The following NBAS variants were observed in gnomAD, a reference collection of about 807,000 sequenced individuals.
The protein encoded by NBAS is NBAS subunit of NRZ tethering complex.
NBAS carries 219 observed loss-of-function variants against 302.5 expected under a neutral mutation model. That is an observed-to-expected ratio of 0.72 (90% confidence interval 0.65 to 0.81). NBAS has a LOEUF of 0.81. NBAS is among the 30% of genes least tolerant of loss of function. The pLI is 0.00. For synonymous variants in NBAS, 1,118 were observed against 1,021.6 expected, an observed-to-expected ratio of 1.09 and a Z score of -1.80; for missense variants, 2,932 against 2,841.6, an observed-to-expected ratio of 1.03 and a Z score of -0.72.
At chr2:15,248,312 A>C (rs2147977043) in intron 44 of NBAS, among the ~76,000 whole-genome samples, 1 of 152,360 alleles carries the variant, frequency 6.6e-6, no homozygotes, top group East Asian at 1.9e-4. Context: ...CAGTGTGTAG[A>C]GGGAAATTTA....
At position 15,179,030 on chromosome 2, in the gene NBAS, A is replaced by G. The variant is rs745460688; in HGVS notation, c.6798T>C (p.His2266=). The change falls in exon 51 of 52, where the codon CAT becomes CAC. Residue 2266 remains histidine (H), a synonymous_variant. Coordinates refer to ENST00000281513, the MANE Select transcript of NBAS (RefSeq NM_015909.4). ...TTTGCTCCAGTGCCATCTCGTGCAG[A>G]TGCTCATCTCGGCTCTCGAGGAGAA... ...LKLLLESRDE[H]LHEMALEQIT... is the part of the protein sequence containing the mutation. 1 of 1,613,998 alleles carries G rather than the reference A, an allele frequency of 6.2e-7. No homozygotes were observed. Among genetic ancestry groups the G allele is most frequent in the East Asian group, 2.2e-5 (1 of 44,872 alleles).
At chr2:14,921,789 A>G in the NBAS span, among the ~76,000 whole-genome samples, 3 of 152,162 alleles carry the variant, frequency 2.0e-5, no homozygotes, top group African/African-American at 4.8e-5. Flanking sequence ...GTTGGCTGAA[A>G]TCTAAGAAAT....
chr2:14,899,659 C>T, the NBAS span, among the ~76,000 whole-genome samples: 1 of 152,036 alleles, frequency 6.6e-6, no homozygotes, highest in Non-Finnish European at 1.5e-5. Context: ...ACCAATTTAA[C>T]TTGGAACTGG....
the NBAS span, among the ~76,000 whole-genome samples, chr2:14,848,181 T>A: frequency 1.3e-5 from 2 of 151,554 alleles, no homozygotes; most frequent in East Asian, 1.9e-4. Flanking sequence ...TTCATCTCAC[T>A]AGGGAGTTCC....
chr2:15,070,360 C>T, the NBAS span, among the ~76,000 whole-genome samples: 1 of 152,174 alleles, frequency 6.6e-6, no homozygotes, highest in African/African-American at 2.4e-5. Flanking sequence ...AACTCAAATA[C>T]ACCCACATGG....
At chr2:15,058,574 G>A in the NBAS span, among the ~76,000 whole-genome samples, 4 of 152,276 alleles carry the variant, frequency 2.6e-5, no homozygotes, top group African/African-American at 4.8e-5. Context: ...CAAGCCCAGC[G>A]TGACAATATA....
chr2:15,093,784 C>T, the NBAS span, among the ~76,000 whole-genome samples: 245 of 151,974 alleles, frequency 1.6e-3, 3 homozygotes, highest in African/African-American at 5.2e-3. Context: ...AGAGAAAATG[C>T]TCATAATATG....
At chr2:14,785,227 G>A in the NBAS span, among the ~76,000 whole-genome samples, 1,177 of 152,120 alleles carry the variant, frequency 7.7e-3, 20 homozygotes, top group African/African-American at 0.027. Context: ...GGGCTGAGAC[G>A]ATGGGTTTTT....
chr2:15,079,490 G>A, the NBAS span, among the ~76,000 whole-genome samples: 1 of 152,074 alleles, frequency 6.6e-6, no homozygotes, highest in African/African-American at 2.4e-5. Flanking sequence ...ATCTGCCAGG[G>A]CCACCTTTCC....
intron 25 of NBAS, among the ~76,000 whole-genome samples, chr2:15,412,425 C>A (rs1676726119): frequency 6.6e-6 from 1 of 152,204 alleles, no homozygotes; most frequent in East Asian, 1.9e-4. Flanking sequence ...AGGCCAACCA[C>A]AGCTGACGTT....
At chr2:15,050,371 C>G in the NBAS span, among the ~76,000 whole-genome samples, 74,878 of 151,592 alleles carry the variant, frequency 0.49, 20,767 homozygotes, top group African/African-American at 0.77. Context: ...TATCCAAAAC[C>G]CTTGTGGCTT....
At chr2:14,912,068 CTTT>C in the NBAS span, among the ~76,000 whole-genome samples, 3 of 152,152 alleles carry the variant, frequency 2.0e-5, no homozygotes, top group Admixed American at 6.5e-5. Context: ...GTCTTCAAAC[CTTT>C]ACAGCATGTT....
At position 15,351,985 on chromosome 2, in the gene NBAS, A is replaced by C. The variant is rs1424061741; in HGVS notation, c.4179+7T>G. The C allele has an allele frequency of 6.2e-7, 1 of 1,600,002 alleles. No individual in the cohort carries two copies. The highest frequency in any genetic ancestry group is 8.6e-7 in the Non-Finnish European group (1 of 1,167,520). ...CTTTCAAACTCCGCTCCCTCATTTTAACTTACCTCTTGTACTGCTTTACTA... is the reference window on the plus strand; with the variant it reads ...CTTTCAAACTCCGCTCCCTCATTTTCACTTACCTCTTGTACTGCTTTACTA... On this transcript the variant is annotated splice_region_variant and intron_variant, in intron 35 of 51. Coordinates refer to ENST00000281513, the MANE Select transcript of NBAS (RefSeq NM_015909.4).
intron 51 of NBAS, among the ~76,000 whole-genome samples, chr2:15,168,437 G>A (rs1664137180): frequency 6.6e-6 from 1 of 152,164 alleles, no homozygotes; most frequent in Non-Finnish European, 1.5e-5. Flanking sequence ...CGGATAGCGT[G>A]AATCTTTCCT....
Position 15,467,731 on chromosome 2 carries a change from C to T in NBAS, c.1951G>A (p.Ala651Thr). ...EELSPPDEEPAKNKKEKELKK... is the reference protein window; with the variant it reads ...EELSPPDEEPTKNKKEKELKK... ...AGCTCCTTTTCCTTTTTATTCTTGG[C>T]AGGCTCTTCATCAGGTGGTGAAAGC... The change falls in exon 18 of 52, where the codon GCC (alanine) becomes ACC (threonine). Residue 651 changes from alanine (A) to threonine (T), a missense_variant. Coordinates refer to ENST00000281513, the MANE Select transcript of NBAS (RefSeq NM_015909.4). 1 of 1,608,274 alleles carries T rather than the reference C, an allele frequency of 6.2e-7. No individual in the cohort carries two copies.
At chr2:15,244,909 A>G (rs373052518) in intron 44 of NBAS, among the ~76,000 whole-genome samples, 2 of 152,080 alleles carry the variant, frequency 1.3e-5, no homozygotes, top group African/African-American at 4.8e-5. Context: ...AGGTGGGCCC[A>G]TGAAACGTGA....
chr2:15,383,623 T>C (rs1483245355), intron 28 of NBAS, among the ~76,000 whole-genome samples: 1 of 152,192 alleles, frequency 6.6e-6, no homozygotes, highest in African/African-American at 2.4e-5. Flanking sequence ...GTAAAGAAGC[T>C]GTGAGTTTCT....
the NBAS span, among the ~76,000 whole-genome samples, chr2:14,801,375 T>C: frequency 6.6e-6 from 1 of 152,142 alleles, no homozygotes; most frequent in East Asian, 1.9e-4. Context: ...TGTGTTTCAC[T>C]TTGTTTATAT....
the NBAS span, among the ~76,000 whole-genome samples, chr2:15,117,761 T>C: frequency 6.6e-6 from 1 of 152,172 alleles, no homozygotes; most frequent in Non-Finnish European, 1.5e-5. Flanking sequence ...GAACACAGTG[T>C]GGGAAACGCT....
Sources: allele counts gnomAD v4.1 joint callset (sites outside exome capture counted in the v4.1 genomes callset), GRCh38; gene constraint gnomAD v4.1.1; transcripts MANE v1.5; gene names NCBI Gene and HGNC (gene_info 2026-07-23, HGNC 2026-07-21).